Variants in SSRP1 observed in about 807,000 individuals in gnomAD.
The protein encoded by SSRP1 is structure specific recognition protein 1.
A neutral mutation model predicts 84.4 loss-of-function variants in SSRP1; 21 were observed. That is an observed-to-expected ratio of 0.25 (90% confidence interval 0.18 to 0.36). The LOEUF is 0.36. Among genes scored for constraint, SSRP1 ranks in the 10% least tolerant of loss-of-function variants. SSRP1 has a pLI of 1.00. For synonymous variants in SSRP1, 319 were observed against 318.3 expected (o/e 1.00, Z -0.02); for missense variants, 519 against 900.8 (o/e 0.58, Z 5.43).
At chr11:57,327,353 T>C (rs12796292) in intron 15 of SSRP1, 73 bp downstream of exon 15, 59,069 of 1,458,252 alleles carry the variant, frequency 0.041, 1,456 homozygotes, top group South Asian at 0.044. Context: ...TTTCCAATGC[T>C]CAACTTCGGC....
chr11:57,327,613 G>T, intron 14 of SSRP1, 99 bp from the exon 15 acceptor site: 5 of 1,598,568 alleles, frequency 3.1e-6, no homozygotes, highest in Non-Finnish European at 3.4e-6. Context: ...CCCACCAATG[G>T]CTCATACTGC....
Position 57,326,077 on chromosome 11 carries a change from G to A in SSRP1, c.*330C>T. The stretch of plus-strand genomic sequence containing the variant: ...AATAGGCCCCAGGTAGGAGCTACAG[G>A]CCTGGCCTCACATGACCCCTGCTCC... On this transcript the variant is annotated 3_prime_UTR_variant, in exon 17 of 17. Transcript: ENST00000278412. 8.8e-6 allele frequency: 3 copies of A among 341,294 alleles called. No homozygotes were observed. The highest frequency in any genetic ancestry group is 1.6e-5 in the Non-Finnish European group (3 of 185,708). 21.1% of individuals were successfully genotyped at this position (341,294 alleles called of 1,614,324 possible).
At position 57,335,808 on chromosome 11, in the gene SSRP1, G is replaced by A. The variant is rs370620322; in HGVS notation, c.-198C>T. The A allele has an allele frequency of 6.6e-6, 1 of 152,204 alleles. No individual in the cohort carries two copies. Among genetic ancestry groups the A allele is most frequent in the African/African-American group, 2.4e-5 (1 of 41,254 alleles). 9.4% of individuals were successfully genotyped at this position (152,204 alleles called of 1,614,324 possible). On this transcript the variant is annotated 5_prime_UTR_variant, in exon 1 of 17. Coordinates refer to ENST00000278412, the MANE Select transcript of SSRP1 (RefSeq NM_003146.3). This position sits in a 1 kb window ranked among gnomAD's most constrained non-coding sequence, Gnocchi z 4.6. ...GGGGACGCGGGGGGGGCGCGGGGAG[G>A]GGGATGGGGGGACACCGGGGAAGCT...
At chr11:57,328,517 A>G (rs986328316) in intron 12 of SSRP1, 91 bp from the exon 13 acceptor site, 42 of 1,543,896 alleles carry the variant, frequency 2.7e-5, no homozygotes, top group Non-Finnish European at 3.7e-5. Context: ...AAAGATACCC[A>G]CCCAAAAGGG....
At chr11:57,333,585 G>T in intron 3 of SSRP1, 45 bp from the exon 4 acceptor site, 1 of 1,387,928 alleles carries the variant, frequency 7.2e-7, no homozygotes, top group Non-Finnish European at 1.0e-6. Flanking sequence ...AACCTTGGTG[G>T]CCTTAACACC....
Position 57,335,024 on chromosome 11 carries a change from C to T in SSRP1, c.54+44G>A. On this transcript the variant is annotated intron_variant, in intron 2 of 16. Coordinates refer to ENST00000278412, the MANE Select transcript of SSRP1 (RefSeq NM_003146.3). The surrounding 1 kb of genome is among the most constrained non-coding windows in gnomAD (Gnocchi z 4.6). ...CATTAATGGACAAAAACTCTACCCT[C>T]CTTCCTTCTCTCTACTTGTATCACC... 1.2e-6 allele frequency: 2 copies of T among 1,608,728 alleles called. No homozygotes were observed. Among genetic ancestry groups the T allele is most frequent in the Non-Finnish European group, 1.7e-6 (2 of 1,175,354 alleles).
In SSRP1 at chr11:57,332,256, C is replaced by T. The variant is rs1565054078; in HGVS notation, c.897G>A (p.Glu299=). The part of the protein sequence containing the change: ...MNEEEVEKRF[E]GRLTKNMSGS... ...CTGACATGTTCTTGGTGAGCCGACC[C>T]TCAAAGCGCTTCTCCACTTCTTCCC... The change falls in exon 8 of 17, where the codon GAG becomes GAA. Residue 299 remains glutamate, a synonymous_variant. Transcript: ENST00000278412. This position sits in a 1 kb window ranked among gnomAD's most constrained non-coding sequence, Gnocchi z 5.5. 4 of 1,614,092 alleles carry T rather than the reference C, an allele frequency of 2.5e-6. No individual in the cohort carries two copies. The highest frequency in any genetic ancestry group is 3.4e-6 in the Non-Finnish European group (4 of 1,180,026).
At chr11:57,334,361 C>G (rs887270082) in intron 3 of SSRP1, 102 bp downstream of exon 3, 4 of 1,407,964 alleles carry the variant, frequency 2.8e-6, no homozygotes, top group Non-Finnish European at 2.9e-6. Context: ...GGAGCCCAAA[C>G]TAGCAATCAC....
In SSRP1 at chr11:57,331,695, G is replaced by A; in HGVS notation, c.1196C>T (p.Thr399Ile). Reference protein sequence around the residue: ...FDFEIETKQGTQYTFSSIERE... With the variant: ...FDFEIETKQGIQYTFSSIERE... ...CTCAATGCTGCTGAAGGTATACTGA[G>A]TGCCCTGCTTGGTCTCAATTTCAAA... Residue 399 changes from threonine (T) to isoleucine (I), a missense_variant, in exon 9 of 17, where the codon ACT (threonine) becomes ATT (isoleucine). By Grantham distance (89) the Thr-to-Ile change is moderately conservative. Transcript: ENST00000278412. 6.2e-7 allele frequency: 1 copy of A among 1,614,132 alleles called. No homozygotes were observed. Among genetic ancestry groups the A allele is most frequent in the Non-Finnish European group, 8.5e-7 (1 of 1,179,988 alleles).
chr11:57,327,529 GA>G lies in SSRP1; in HGVS notation c.1783-16del, dbSNP rs747926763. The G allele has an allele frequency of 3.7e-6, 6 of 1,613,044 alleles. No homozygotes were observed. Among genetic ancestry groups the G allele is most frequent in the African/African-American group, 1.3e-5 (1 of 74,700 alleles). ...CGATCCCACTCCTGTCTCACACACA[GA>G]AAAAAACAGTTAAGAATAAGACCTC... On this transcript the variant is annotated splice_polypyrimidine_tract_variant and intron_variant, in intron 14 of 16. Coordinates refer to ENST00000278412, the MANE Select transcript of SSRP1 (RefSeq NM_003146.3).
At chr11:57,334,845 C>G (rs1009538497) in intron 2 of SSRP1, among the ~76,000 whole-genome samples, 197 bp from the exon 3 acceptor site, 1 of 152,188 alleles carries the variant, frequency 6.6e-6, no homozygotes, top group Non-Finnish European at 1.5e-5. Context: ...TCTCAGTTTC[C>G]TCATTTGTAA....
In SSRP1 at chr11:57,332,113, A is replaced by G; in HGVS notation, c.1001+39T>C. ...TTACCAAGGAGACACGGCATTTCCC[A>G]TACCCAGGCAGGGCAGGATCCCAGG... On this transcript the variant is annotated intron_variant, in intron 8 of 16. Transcript: ENST00000278412. The surrounding 1 kb of genome is among the most constrained non-coding windows in gnomAD (Gnocchi z 5.5). 6.2e-7 allele frequency: 1 copy of G among 1,612,176 alleles called. No individual in the cohort carries two copies. Among genetic ancestry groups the G allele is most frequent in the Non-Finnish European group, 8.5e-7 (1 of 1,179,798 alleles).
chr11:57,328,599 G>A (rs1856030283), intron 12 of SSRP1, 173 bp from the exon 13 acceptor site: 1 of 925,970 alleles, frequency 1.1e-6, no homozygotes, highest in South Asian at 1.8e-5. Flanking sequence ...TCACTGTGGT[G>A]GCTTCAGCCA....
rs369798177 is a variant in SSRP1, at chr11:57,332,939, G to A, written c.537+20C>T. 1.2e-6 allele frequency: 2 copies of A among 1,600,514 alleles called. No individual in the cohort carries two copies. Among genetic ancestry groups the A allele is most frequent in the Non-Finnish European group, 1.7e-6 (2 of 1,170,830 alleles). On this transcript the variant is annotated intron_variant, in intron 5 of 16. Coordinates refer to ENST00000278412, the MANE Select transcript of SSRP1 (RefSeq NM_003146.3). This position sits in a 1 kb window ranked among gnomAD's most constrained non-coding sequence, Gnocchi z 5.5. Reference sequence around the variant, plus strand: ...CTGCTCAGCACCATCTGCTGCCAAGGCAACCAGGGGAAGCCTCACCTCAAC... The same window carrying A: ...CTGCTCAGCACCATCTGCTGCCAAGACAACCAGGGGAAGCCTCACCTCAAC...
At chr11:57,334,725 A>T in intron 2 of SSRP1, 77 bp from the exon 3 acceptor site, 1 of 1,518,906 alleles carries the variant, frequency 6.6e-7, no homozygotes, top group Non-Finnish European at 9.0e-7. Flanking sequence ...CCTAACACAC[A>T]TTCCTGCTGC....
chr11:57,331,176 C>CTA (rs1462870145), intron 9 of SSRP1, among the ~76,000 whole-genome samples: 1 of 152,192 alleles, frequency 6.6e-6, no homozygotes, highest in Non-Finnish European at 1.5e-5. Context: ...GGGTGCGCAT[C>CTA]TGTTTACAAA....
chr11:57,330,003 T>C lies in SSRP1; in HGVS notation c.1481+90A>G. ...TCTCCCATTCTGGGTCAGTAGCTAA[T>C]GCTGGGACCTGAGAAATGTCCAGAA... On this transcript the variant is annotated intron_variant, in intron 12 of 16. Transcript: ENST00000278412. This position sits in a 1 kb window ranked among gnomAD's most constrained non-coding sequence, Gnocchi z 4.0. 7.9e-6 allele frequency: 12 copies of C among 1,520,582 alleles called. No individual in the cohort carries two copies. The highest frequency in any genetic ancestry group is 9.1e-6 in the Non-Finnish European group (10 of 1,095,308). 94.2% of individuals were successfully genotyped at this position (1,520,582 alleles called of 1,614,324 possible). A position where few individuals can be genotyped will look rare whatever the true frequency, so the allele number is the denominator to read the frequency against.
chr11:57,328,200 G>A (rs1856022223), intron 13 of SSRP1, 97 bp downstream of exon 13: 1 of 1,521,688 alleles, frequency 6.6e-7, no homozygotes, highest in East Asian at 2.3e-5. Flanking sequence ...AGGAAGAACA[G>A]GTCCTACTGG....
Position 57,332,892 on chromosome 11 carries a change from C to G in SSRP1, c.538-37G>C, listed in dbSNP as rs1318825377. The G allele has an allele frequency of 6.3e-7, 1 of 1,598,698 alleles. No individual in the cohort carries two copies. Reference sequence around the variant, plus strand: ...CATATTGGTAGCCAAGCAGCAGGCCCTGCTCCCAGGCCAGCCAATGCCTGC... The same window carrying G: ...CATATTGGTAGCCAAGCAGCAGGCCGTGCTCCCAGGCCAGCCAATGCCTGC... On this transcript the variant is annotated intron_variant, in intron 5 of 16. Coordinates refer to ENST00000278412, the MANE Select transcript of SSRP1 (RefSeq NM_003146.3). The surrounding 1 kb of genome is among the most constrained non-coding windows in gnomAD (Gnocchi z 5.5).
Sources: gnomAD v4.1 joint callset for allele counts (sites outside exome capture counted in the v4.1 genomes callset) on GRCh38, gnomAD v4.1.1 for gene constraint, Gnocchi (gnomAD v3.1) non-coding constraint, MANE v1.5 for transcripts, NCBI Gene and HGNC (gene_info 2026-07-23, HGNC 2026-07-21) for gene names.